Variants in AQR observed in about 807,000 individuals in gnomAD.
AQR encodes RNA helicase aquarius.
A neutral mutation model predicts 180.5 loss-of-function variants in AQR; 61 were observed. The ratio of observed to expected loss-of-function variants is 0.34; its 90% CI spans 0.28 to 0.42. AQR has a LOEUF of 0.42. Among genes scored for constraint, AQR ranks in the 10% least tolerant of loss-of-function variants. The pLI is 1.00. For missense variants in AQR, 1,281 were observed against 1,798.3 expected (o/e 0.71, Z 5.20); for synonymous variants, 551 against 588.8 (o/e 0.94, Z 0.93).
chr15:34,888,644 C>A (rs1893097288), intron 24 of AQR, among the ~76,000 whole-genome samples: 1 of 152,096 alleles, frequency 6.6e-6, no homozygotes, highest in African/African-American at 2.4e-5. Context: ...TTGCAGTGAG[C>A]TGAGACGGTG....
At chr15:34,965,721 C>G (rs943258524) in intron 1 of AQR, among the ~76,000 whole-genome samples, 1 of 152,140 alleles carries the variant, frequency 6.6e-6, no homozygotes, top group African/African-American at 2.4e-5. Context: ...CACTCTCCAA[C>G]TCAATAGAAA....
chr15:34,946,430 T>TG (rs375288148), intron 5 of AQR, among the ~76,000 whole-genome samples: 1,231 of 98,200 alleles, frequency 0.013, 181 homozygotes, highest in Non-Finnish European at 0.016. Context: ...GGGAGGGAGG[T>TG]GGGGGGGGTC....
At chr15:34,944,912 T>C (rs1268488088) in intron 5 of AQR, among the ~76,000 whole-genome samples, 1 of 152,220 alleles carries the variant, frequency 6.6e-6, no homozygotes, top group Non-Finnish European at 1.5e-5. Context: ...CCTCTGTTTC[T>C]AGTTACTGCC....
Position 34,900,753 on chromosome 15 carries a change from T to C in AQR, c.2112A>G (p.Lys704=). 2 of 1,614,140 alleles carry C rather than the reference T, an allele frequency of 1.2e-6. No individual in the cohort carries two copies. The highest frequency in any genetic ancestry group is 1.7e-6 in the Non-Finnish European group (2 of 1,180,016). The change falls in exon 20 of 35, where the codon AAA becomes AAG. Residue 704 remains lysine, a synonymous_variant. Transcript: ENST00000156471. ...YGDPSSAHYS[K]MPNQIATLDF... is the part of the protein sequence containing the mutation. ...CAAGGGTGGCAATCTGATTGGGCAT[T>C]TTCGAATAATGTGCACTACTTGGGT...
chr15:34,969,377 T>C (rs1193617986), intron 1 of AQR, among the ~76,000 whole-genome samples, 162 bp downstream of exon 1: 4 of 152,274 alleles, frequency 2.6e-5, no homozygotes, highest in African/African-American at 9.6e-5. Context: ...CCTAGCATAG[T>C]GGCCGGCACG....
intron 32 of AQR, among the ~76,000 whole-genome samples, chr15:34,865,541 A>C (rs1485017495): frequency 3.3e-5 from 5 of 152,238 alleles, no homozygotes; most frequent in African/African-American, 1.2e-4. Context: ...CATATGACCC[A>C]GAAATTCTAC....
At chr15:34,880,219 T>A (rs1892951077) in intron 27 of AQR, among the ~76,000 whole-genome samples, 1 of 152,186 alleles carries the variant, frequency 6.6e-6, no homozygotes, top group South Asian at 2.1e-4. Flanking sequence ...GAGAGTAGAT[T>A]AAAAACAGTT....
intron 9 of AQR, among the ~76,000 whole-genome samples, chr15:34,935,821 A>G (rs1024654569): frequency 5.9e-5 from 9 of 152,246 alleles, no homozygotes; most frequent in Non-Finnish European, 1.3e-4. Context: ...GTCATTTAAA[A>G]TAACAATTTA....
At chr15:34,886,433 A>T (rs1486059378) in intron 25 of AQR, 93 bp downstream of exon 25, 1 of 1,336,394 alleles carries the variant, frequency 7.5e-7, no homozygotes, top group African/African-American at 1.5e-5. Flanking sequence ...TCAAAAAAAT[A>T]AGCTTTCATG....
chr15:34,923,537 T>C (rs145218831), intron 13 of AQR, among the ~76,000 whole-genome samples: 39 of 152,288 alleles, frequency 2.6e-4, no homozygotes, highest in African/African-American at 8.9e-4. Context: ...TCACAAAAAT[T>C]TTCTCCCATA....
chr15:34,923,229 T>C (rs1212515239), intron 13 of AQR, among the ~76,000 whole-genome samples: 1 of 152,152 alleles, frequency 6.6e-6, no homozygotes, highest in East Asian at 1.9e-4. Flanking sequence ...AAAAACACAG[T>C]ATATATAGGG....
intron 9 of AQR, among the ~76,000 whole-genome samples, chr15:34,935,575 T>C (rs1893932210): frequency 6.6e-6 from 1 of 152,200 alleles, no homozygotes; most frequent in South Asian, 2.1e-4. Flanking sequence ...CTTTTGTGAT[T>C]AATATATACA....
chr15:34,949,726 G>A (rs1425745934), intron 4 of AQR, among the ~76,000 whole-genome samples: 1 of 150,716 alleles, frequency 6.6e-6, no homozygotes, highest in Non-Finnish European at 1.5e-5. Flanking sequence ...GGAGGCCAAA[G>A]TGGGTGGACT....
intron 14 of AQR, 100 bp downstream of exon 14, chr15:34,920,232 C>T (rs1488852104): frequency 2.6e-6 from 2 of 756,328 alleles, no homozygotes; most frequent in African/African-American, 3.6e-5. Context: ...TCTGCCTAAT[C>T]TTTGGCCCAC....
intron 24 of AQR, among the ~76,000 whole-genome samples, chr15:34,889,784 C>A (rs966869760): frequency 6.6e-6 from 1 of 152,106 alleles, no homozygotes; most frequent in Non-Finnish European, 1.5e-5. Context: ...GATTCTCCTG[C>A]GTCAGCCTCC....
chr15:34,915,485 C>T (rs1049225330), intron 15 of AQR, among the ~76,000 whole-genome samples: 4 of 151,758 alleles, frequency 2.6e-5, no homozygotes, highest in South Asian at 2.1e-4. Flanking sequence ...CCACCGCACC[C>T]GGCCTGAATT....
chr15:34,886,736 G>A, intron 24 of AQR, 75 bp from the exon 25 acceptor site: 1 of 1,416,632 alleles, frequency 7.1e-7, no homozygotes. Flanking sequence ...CAAAATTCAA[G>A]AAAATCATAA....
At chr15:34,954,413 C>T (rs1380371659) in intron 3 of AQR, among the ~76,000 whole-genome samples, 1 of 152,112 alleles carries the variant, frequency 6.6e-6, no homozygotes, top group Non-Finnish European at 1.5e-5. Flanking sequence ...TCAAGCAATC[C>T]TCCCACTTCA....
intron 4 of AQR, among the ~76,000 whole-genome samples, chr15:34,950,179 T>A (rs1894204211): frequency 7.1e-6 from 1 of 141,310 alleles, no homozygotes; most frequent in African/African-American, 2.6e-5. Context: ...AACCTCTGCC[T>A]CCTGGGTTCA....
Sources: allele counts gnomAD v4.1 joint callset (sites outside exome capture counted in the v4.1 genomes callset), GRCh38; gene constraint gnomAD v4.1.1; transcripts MANE v1.5; gene names NCBI Gene and HGNC (gene_info 2026-07-23, HGNC 2026-07-21).